Variants in EPB41L4A observed in about 807,000 individuals in gnomAD.
EPB41L4A encodes band 4.1-like protein 4A.
Under a neutral mutation model 108.6 loss-of-function variants are expected in EPB41L4A, and 100 were observed. That is an observed-to-expected ratio of 0.92 (90% CI 0.78 to 1.09). The LOEUF (loss-of-function observed/expected upper bound fraction) is 1.09. EPB41L4A is among the 50% of genes least tolerant of loss of function. The pLI is 0.00. For synonymous variants in EPB41L4A, 319 were observed against 289.0 expected (o/e 1.10, Z -1.05); for missense variants, 1,030 against 842.7 (o/e 1.22, Z -2.75).
At chr5:112,235,721 T>C (rs11739692) in intron 11 of EPB41L4A, among the ~76,000 whole-genome samples, 46,296 of 152,008 alleles carry the variant, frequency 0.3, 8,233 homozygotes, top group South Asian at 0.54. Flanking sequence ...TCTACCTTTA[T>C]TAAAAATGAA....
chr5:112,207,648 T>C (rs1250157539), intron 13 of EPB41L4A, among the ~76,000 whole-genome samples: 1 of 152,102 alleles, frequency 6.6e-6, no homozygotes, highest in South Asian at 2.1e-4. Flanking sequence ...AAGACATACA[T>C]GCAACCAACA....
intron 1 of EPB41L4A, among the ~76,000 whole-genome samples, chr5:112,412,238 T>G (rs562346322): frequency 6.6e-6 from 1 of 152,334 alleles, no homozygotes; most frequent in African/African-American, 2.4e-5. Flanking sequence ...AACTTCCTCT[T>G]GGCATGTCAA....
intron 3 of EPB41L4A, among the ~76,000 whole-genome samples, chr5:112,277,145 G>C (rs889042042): frequency 3.9e-5 from 6 of 152,112 alleles, no homozygotes; most frequent in Admixed American, 2.6e-4. Flanking sequence ...CCATGTTCCT[G>C]AGCAGATGGG....
chr5:112,339,827 C>T (rs1472168813), intron 1 of EPB41L4A, among the ~76,000 whole-genome samples: 3 of 152,090 alleles, frequency 2.0e-5, no homozygotes, highest in African/African-American at 4.8e-5. Flanking sequence ...TGAGCCACCA[C>T]GCTTGGCCAA....
In EPB41L4A at chr5:112,168,724, C is replaced by A; in HGVS notation, c.1932+15G>T. 1 of 1,605,306 alleles carries A rather than the reference C, an allele frequency of 6.2e-7. No individual in the cohort carries two copies. The highest frequency in any genetic ancestry group is 8.5e-7 in the Non-Finnish European group (1 of 1,172,298). On this transcript the variant is annotated intron_variant, in intron 22 of 22. Transcript: ENST00000261486. ...CATCAATACAACACCTTCTTCAAAC[C>A]TTACTATTACTAACCTGATGAACTG...
At chr5:112,221,133 C>G (rs1333136879) in intron 12 of EPB41L4A, among the ~76,000 whole-genome samples, 1 of 152,132 alleles carries the variant, frequency 6.6e-6, no homozygotes. Flanking sequence ...ACTTTTTCTC[C>G]CCTATACAAT....
At chr5:112,309,236 G>A (rs1438849577) in intron 1 of EPB41L4A, among the ~76,000 whole-genome samples, 2 of 152,102 alleles carry the variant, frequency 1.3e-5, no homozygotes, top group Admixed American at 1.3e-4. Context: ...TGAATCCCCA[G>A]TATTCTATCT....
intron 12 of EPB41L4A, among the ~76,000 whole-genome samples, chr5:112,233,935 C>A (rs1004083857): frequency 6.6e-6 from 1 of 151,978 alleles, no homozygotes; most frequent in African/African-American, 2.4e-5. Flanking sequence ...CTCCAGCCAT[C>A]CTCCTGCTTC....
chr5:112,389,839 A>C (rs1026994467), intron 1 of EPB41L4A, among the ~76,000 whole-genome samples: 1 of 152,172 alleles, frequency 6.6e-6, no homozygotes, highest in African/African-American at 2.4e-5. Flanking sequence ...CCTCACAACA[A>C]TGCTAGAATT....
chr5:112,177,804 T>TA (rs1424179067), intron 18 of EPB41L4A, among the ~76,000 whole-genome samples: 2 of 150,598 alleles, frequency 1.3e-5, no homozygotes, highest in African/African-American at 2.4e-5. Flanking sequence ...AAGCAATAAA[T>TA]AAAAAAATAA....
intron 22 of EPB41L4A, 92 bp downstream of exon 22, chr5:112,168,647 C>T: frequency 1.1e-6 from 1 of 895,656 alleles, no homozygotes; most frequent in Non-Finnish European, 1.8e-6. Flanking sequence ...TCATTGCCTG[C>T]CCTACCTCCC....
chr5:112,324,240 A>G (rs1169310445), intron 1 of EPB41L4A, among the ~76,000 whole-genome samples: 4 of 152,204 alleles, frequency 2.6e-5, no homozygotes, highest in Admixed American at 2.6e-4. Context: ...TCTCAGTAAA[A>G]CTAAGGGGGG....
At chr5:112,401,803 CTCAAGATACACTAG>C in intron 1 of EPB41L4A, among the ~76,000 whole-genome samples, 1 of 152,280 alleles carries the variant, frequency 6.6e-6, no homozygotes, top group Non-Finnish European at 1.5e-5. Context: ...GCAGTAAAAC[CTCAAGATACACTAG>C]TCAGCCTAAG....
intron 2 of EPB41L4A, among the ~76,000 whole-genome samples, chr5:112,283,475 C>A (rs1753088481): frequency 6.6e-6 from 1 of 152,150 alleles, no homozygotes; most frequent in African/African-American, 2.4e-5. Context: ...AGCAATCAAA[C>A]AGAGCACATG....
intron 1 of EPB41L4A, among the ~76,000 whole-genome samples, chr5:112,404,259 G>C (rs1761951755): frequency 6.6e-6 from 1 of 152,128 alleles, no homozygotes; most frequent in Admixed American, 6.6e-5. Context: ...CATGTGCTAG[G>C]CACTATTCTA....
At chr5:112,321,297 C>T (rs1201476159) in intron 1 of EPB41L4A, among the ~76,000 whole-genome samples, 1 of 152,178 alleles carries the variant, frequency 6.6e-6, no homozygotes, top group Non-Finnish European at 1.5e-5. Context: ...ATATTCCTGA[C>T]CTGCTTTTCT....
chr5:112,396,337 G>C (rs1231731477), intron 1 of EPB41L4A, among the ~76,000 whole-genome samples: 2 of 152,094 alleles, frequency 1.3e-5, no homozygotes, highest in African/African-American at 4.8e-5. Flanking sequence ...GTTTCTTCCA[G>C]ATACATACTC....
At chr5:112,378,094 T>A (rs1232425243) in intron 1 of EPB41L4A, among the ~76,000 whole-genome samples, 1 of 152,194 alleles carries the variant, frequency 6.6e-6, no homozygotes, top group Non-Finnish European at 1.5e-5. Context: ...CATGTTTCCA[T>A]CTGCACGGAG....
intron 18 of EPB41L4A, among the ~76,000 whole-genome samples, chr5:112,179,571 T>TA (rs1423571484): frequency 1.3e-5 from 2 of 152,160 alleles, no homozygotes; most frequent in Non-Finnish European, 2.9e-5. Flanking sequence ...TAAACCCATA[T>TA]AACAACTATC....
Sources: gnomAD v4.1 joint callset for allele counts (sites outside exome capture counted in the v4.1 genomes callset) on GRCh38, gnomAD v4.1.1 for gene constraint, MANE v1.5 for transcripts, NCBI Gene and HGNC (gene_info 2026-07-23, HGNC 2026-07-21) for gene names.